Variants in RPRD2 observed in about 807,000 individuals in gnomAD.
RPRD2 encodes regulation of nuclear pre-mRNA domain-containing protein 2.
Under a neutral mutation model 104.4 loss-of-function variants are expected in RPRD2, and 12 were observed. The ratio of observed to expected loss-of-function variants is 0.11; its 90% CI spans 0.07 to 0.19. The LOEUF is 0.19. Among genes scored for constraint, RPRD2 ranks in the 10% least tolerant of loss-of-function variants. The pLI is 1.00. For missense variants in RPRD2, 1,543 were observed against 1,790.1 expected (o/e 0.86, Z 2.49); for synonymous variants, 714 against 684.9 (o/e 1.04, Z -0.66).
chr1:150,413,486 C>G (rs187483600), intron 1 of RPRD2, among the ~76,000 whole-genome samples: 20 of 152,240 alleles, frequency 1.3e-4, no homozygotes, highest in African/African-American at 4.8e-4. Context: ...GCCTGTAATC[C>G]CAGCTACTCA....
At chr1:150,458,862 T>G (rs1407410756) in intron 8 of RPRD2, among the ~76,000 whole-genome samples, 4 of 152,184 alleles carry the variant, frequency 2.6e-5, no homozygotes, top group Non-Finnish European at 5.9e-5. Context: ...CAGGCTGGTC[T>G]CGAACTCCTG....
chr1:150,457,165 A>G lies in RPRD2; in HGVS notation c.871-123A>G, dbSNP rs1041281470. 11 of 848,120 alleles carry G rather than the reference A, an allele frequency of 1.3e-5. No homozygotes were observed. In the African/African-American group the frequency reaches 1.9e-4, roughly 14 times the overall value. The allele number at this position is 848,120 out of a possible 1,614,324, so 52.5% of individuals were successfully genotyped here. On this transcript the variant is annotated intron_variant, in intron 7 of 10. Coordinates refer to ENST00000369068, the MANE Select transcript of RPRD2 (RefSeq NM_015203.5). ...CTTCAACCCAGGAGGCAGAGGTTGCAGTGAACCAAGATTGTGCCACTACAC... is the reference window on the plus strand; with the variant it reads ...CTTCAACCCAGGAGGCAGAGGTTGCGGTGAACCAAGATTGTGCCACTACAC...
intron 6 of RPRD2, among the ~76,000 whole-genome samples, chr1:150,445,490 C>G (rs587620023): frequency 6.6e-6 from 1 of 152,180 alleles, no homozygotes; most frequent in Non-Finnish European, 1.5e-5. Flanking sequence ...CTTTTCTGAA[C>G]GTTACTTTTC....
intron 10 of RPRD2, among the ~76,000 whole-genome samples, chr1:150,467,922 T>C (rs1310639538): frequency 1.3e-5 from 2 of 151,730 alleles, no homozygotes; most frequent in Non-Finnish European, 2.9e-5. Context: ...TTCCAGCACT[T>C]TGGGGACGGG....
chr1:150,430,401 T>TCAC (rs1553891400), intron 2 of RPRD2, among the ~76,000 whole-genome samples: 233 of 152,280 alleles, frequency 1.5e-3, no homozygotes, highest in Admixed American at 4.0e-3. Flanking sequence ...CCAGCCGTGG[T>TCAC]GGCTCACACC....
intron 8 of RPRD2, among the ~76,000 whole-genome samples, chr1:150,458,115 C>T (rs1667666229): frequency 6.6e-6 from 1 of 151,882 alleles, no homozygotes; most frequent in South Asian, 2.1e-4. Flanking sequence ...TGTGGCTAAG[C>T]ATTTGAAATG....
At chr1:150,420,819 C>G (rs188697013) in intron 2 of RPRD2, among the ~76,000 whole-genome samples, 2 of 152,124 alleles carry the variant, frequency 1.3e-5, no homozygotes, top group African/African-American at 4.8e-5. Context: ...CAGCAAGACC[C>G]CGTCTCAAGA....
chr1:150,432,993 G>A (rs918382230), intron 2 of RPRD2, among the ~76,000 whole-genome samples: 2 of 151,868 alleles, frequency 1.3e-5, no homozygotes, highest in Admixed American at 6.6e-5. Flanking sequence ...GAGGGGGTTG[G>A]GGGAAAAGTA....
intron 1 of RPRD2, among the ~76,000 whole-genome samples, chr1:150,403,315 C>T (rs1572404031): frequency 6.6e-6 from 1 of 152,206 alleles, no homozygotes; most frequent in East Asian, 1.9e-4. Flanking sequence ...AGTGTAGGTA[C>T]AGTGGCATGA....
At chr1:150,416,916 A>T (rs834231) in intron 1 of RPRD2, among the ~76,000 whole-genome samples, 48,283 of 149,288 alleles carry the variant, frequency 0.32, 8,583 homozygotes, top group Non-Finnish European at 0.4. Context: ...AGAAAAGCTT[A>T]ACCTAGATGC....
In RPRD2 at chr1:150,471,384, C is replaced by T; in HGVS notation, c.2436C>T (p.Ser812=). The change falls in exon 11 of 11, where the codon TCC becomes TCT. Residue 812 remains serine, a synonymous_variant. Coordinates refer to ENST00000369068, the MANE Select transcript of RPRD2 (RefSeq NM_015203.5). The surrounding 1 kb of genome is among the most constrained non-coding windows in gnomAD (Gnocchi z 5.3). ...CTGATGGAATGGAGAGACCATCTTC[C>T]CTGATGGACTCTTCACAGGAAAAGT... ...QPSDGMERPS[S]LMDSSQEKFY... 6.2e-7 allele frequency: 1 copy of T among 1,613,720 alleles called. No individual in the cohort carries two copies. Among genetic ancestry groups the T allele is most frequent in the Non-Finnish European group, 8.5e-7 (1 of 1,179,824 alleles).
chr1:150,446,315 A>G lies in RPRD2; in HGVS notation c.784A>G (p.Lys262Glu). 9 of 1,612,492 alleles carry G rather than the reference A, an allele frequency of 5.6e-6. No individual in the cohort carries two copies. The highest frequency in any genetic ancestry group is 7.6e-6 in the Non-Finnish European group (9 of 1,179,472). ...TGTGAATGGATTAGATAAGCAGGTGAAAAACGGACCCTCATTAACAGAAGC... is the reference window on the plus strand; with the variant it reads ...TGTGAATGGATTAGATAAGCAGGTGGAAAACGGACCCTCATTAACAGAAGC... ...EFVNGLDKQV[K>E]NGPSLTEALE... is the part of the protein sequence containing the mutation. Residue 262 changes from lysine (K) to glutamate (E), a missense_variant, in exon 7 of 11, where the codon AAA becomes GAA. Transcript: ENST00000369068.
rs1439473363 is a variant in RPRD2 at position 150,473,738 on chromosome 1, T to C, written c.*404T>C. 1.3e-5 allele frequency: 2 copies of C among 154,414 alleles called. No individual in the cohort carries two copies. The highest frequency in any genetic ancestry group is 2.4e-5 in the African/African-American group (1 of 41,498). 9.6% of individuals were successfully genotyped at this position (154,414 alleles called of 1,614,324 possible). A position where few individuals can be genotyped will look rare whatever the true frequency, so the allele number is the denominator to read the frequency against. On this transcript the variant is annotated 3_prime_UTR_variant, in exon 11 of 11. Coordinates refer to ENST00000369068, the MANE Select transcript of RPRD2 (RefSeq NM_015203.5). Reference sequence around the variant, plus strand: ...CCACATGTGCAATGTTGGGATGTTATTTTGGGCTTGGCTTATCGAGTAGTC... The same window carrying C: ...CCACATGTGCAATGTTGGGATGTTACTTTGGGCTTGGCTTATCGAGTAGTC...
intron 7 of RPRD2, among the ~76,000 whole-genome samples, chr1:150,451,351 G>A (rs1553896527): frequency 6.6e-6 from 1 of 152,102 alleles, no homozygotes; most frequent in African/African-American, 2.4e-5. Context: ...CCATTATAAA[G>A]TTTTCCCTTG....
intron 7 of RPRD2, among the ~76,000 whole-genome samples, chr1:150,451,492 G>A (rs1572503937): frequency 6.6e-6 from 1 of 151,414 alleles, no homozygotes; most frequent in Non-Finnish European, 1.5e-5. Context: ...GGCTAACATC[G>A]TGAAACCCCG....
At chr1:150,365,363 C>T (rs1433395342) in intron 1 of RPRD2, among the ~76,000 whole-genome samples, 1 of 152,048 alleles carries the variant, frequency 6.6e-6, no homozygotes, top group African/African-American at 2.4e-5. Context: ...TGAGGAGTGC[C>T]TTGTCTGGAT....
intron 2 of RPRD2, among the ~76,000 whole-genome samples, chr1:150,431,670 A>G (rs782173011): frequency 3.8e-5 from 2 of 52,240 alleles, no homozygotes; most frequent in Non-Finnish European, 1.2e-4. Context: ...TAGTAGAGAC[A>G]GGGGTTCACC....
Position 150,473,352 on chromosome 1 carries a change from G to T in RPRD2, c.*18G>T, listed in dbSNP as rs866941824. 1.9e-6 allele frequency: 3 copies of T among 1,588,230 alleles called. No homozygotes were observed. The highest frequency in any genetic ancestry group is 8.6e-7 in the Non-Finnish European group (1 of 1,167,796). The stretch of plus-strand genomic sequence containing the variant: ...GGTACTGATGGAAACCAAGGGAAAG[G>T]CATTTTGAACAGTCTAGAGAACATT... On this transcript the variant is annotated 3_prime_UTR_variant, in exon 11 of 11. Transcript: ENST00000369068.
chr1:150,428,067 A>T (rs782633915), intron 2 of RPRD2, among the ~76,000 whole-genome samples: 8 of 152,150 alleles, frequency 5.3e-5, no homozygotes, highest in Non-Finnish European at 8.8e-5. Flanking sequence ...ATAACATAAA[A>T]CTAAAGTGGT....
Sources: gnomAD v4.1 joint callset for allele counts (sites outside exome capture counted in the v4.1 genomes callset) on GRCh38, gnomAD v4.1.1 for gene constraint, Gnocchi (gnomAD v3.1) non-coding constraint, MANE v1.5 for transcripts, NCBI Gene and HGNC (gene_info 2026-07-23, HGNC 2026-07-21) for gene names.